The following CENPA variants were observed in gnomAD, a reference collection of about 807,000 sequenced individuals.
CENPA encodes histone H3-like centromeric protein A.
CENPA carries 7 observed loss-of-function variants against 17.2 expected under a neutral mutation model. The observed-to-expected ratio is 0.41, with a 90% confidence interval of 0.23 to 0.76. The LOEUF (loss-of-function observed/expected upper bound fraction) is 0.76, where lower values mean the gene tolerates loss of function less well. Ranked by LOEUF, CENPA falls within the 30% of genes least tolerant of loss-of-function variation. CENPA has a pLI of 0.34. For synonymous variants in CENPA, 82 were observed against 77.4 expected (o/e 1.06, Z -0.31); for missense variants, 149 against 193.1 (o/e 0.77, Z 1.35).
intron 1 of CENPA, among the ~76,000 whole-genome samples, chr2:26,788,749 T>C (rs1356915369): frequency 6.6e-6 from 1 of 152,182 alleles, no homozygotes; most frequent in Non-Finnish European, 1.5e-5. Context: ...GATCTCGGCT[T>C]ACCGCAACCT....
intron 1 of CENPA, among the ~76,000 whole-genome samples, chr2:26,787,744 C>G (rs1286816017): frequency 6.6e-6 from 1 of 152,090 alleles, no homozygotes; most frequent in Admixed American, 6.6e-5. Flanking sequence ...TAGGTTGTTT[C>G]TAGATGTTGC....
intron 1 of CENPA, among the ~76,000 whole-genome samples, chr2:26,790,581 C>T (rs996719124): frequency 2.0e-5 from 3 of 152,266 alleles, no homozygotes; most frequent in Non-Finnish European, 2.9e-5. Context: ...CCACCTTGGC[C>T]TCCCAAAGTG....
chr2:26,794,557 A>C lies in CENPA; in HGVS notation c.*793A>C, dbSNP rs1339405434. On this transcript the variant is annotated 3_prime_UTR_variant, in exon 5 of 5. Coordinates refer to ENST00000335756, the MANE Select transcript of CENPA (RefSeq NM_001809.4). ...GGGTATTTTTGTAGTTTCTTTGTAG[A>C]GAGATAATAAAAATCAAAATATTTA... 1 of 152,232 alleles carries C rather than the reference A, an allele frequency of 6.6e-6. No individual in the cohort carries two copies. The highest frequency in any genetic ancestry group is 1.5e-5 in the Non-Finnish European group (1 of 68,050). 9.4% of individuals were successfully genotyped at this position (152,232 alleles called of 1,614,324 possible). A position where few individuals can be genotyped will look rare whatever the true frequency, so the allele number is the denominator to read the frequency against.
chr2:26,786,143 G>A lies in CENPA; in HGVS notation c.-54G>A, dbSNP rs766923081. ...AAGCCAGCCTTTCGCTCCCGGACCC[G>A]GCAGCCCGAGCAGGAGCCGTGGGAC... On this transcript the variant is annotated 5_prime_UTR_variant, in exon 1 of 5. Transcript: ENST00000335756. 2.4e-5 allele frequency: 33 copies of A among 1,367,026 alleles called. No homozygotes were observed. The highest frequency in any genetic ancestry group is 6.1e-5 in the African/African-American group (4 of 65,246). 84.7% of individuals were successfully genotyped at this position (1,367,026 alleles called of 1,614,324 possible).
At chr2:26,786,761 G>A (rs1461855745) in intron 1 of CENPA, among the ~76,000 whole-genome samples, 1 of 152,202 alleles carries the variant, frequency 6.6e-6, no homozygotes, top group Non-Finnish European at 1.5e-5. Flanking sequence ...GACTGCTTTC[G>A]GTGACGATTT....
At chr2:26,790,497 T>G (rs531559212) in intron 1 of CENPA, among the ~76,000 whole-genome samples, 6 of 152,258 alleles carry the variant, frequency 3.9e-5, no homozygotes, top group Non-Finnish European at 7.4e-5. Flanking sequence ...CGGCTAATTT[T>G]TGTATTTTTA....
intron 1 of CENPA, among the ~76,000 whole-genome samples, chr2:26,789,036 T>C (rs1020742101): frequency 1.7e-4 from 26 of 152,182 alleles, no homozygotes; most frequent in African/African-American, 5.8e-4. Context: ...CTCACTTCCC[T>C]ATACCTCCCA....
At chr2:26,787,690 A>G (rs1207362962) in intron 1 of CENPA, among the ~76,000 whole-genome samples, 1 of 151,904 alleles carries the variant, frequency 6.6e-6, no homozygotes, top group Non-Finnish European at 1.5e-5. Context: ...AATTTTTTGT[A>G]TTTTTAGTAG....
rs1266615456 is a variant in CENPA at position 26,788,617 on chromosome 2, C to T, written c.100+2321C>T. On this transcript the variant is annotated intron_variant, in intron 1 of 4. Transcript: ENST00000335756. ...CTACCTGTGCTTAGATAAATCCAGA[C>T]ACTTCACACTGGCATCGGCACATAT... Among the ~76,000 whole-genome samples, 5 of 152,280 alleles carry T rather than the reference C, an allele frequency of 3.3e-5. No homozygotes were observed. The East Asian group carries it at 9.7e-4, about 29-fold the overall frequency.
At chr2:26,788,999 G>A (rs1447938548) in intron 1 of CENPA, among the ~76,000 whole-genome samples, 1 of 152,176 alleles carries the variant, frequency 6.6e-6, no homozygotes, top group Non-Finnish European at 1.5e-5. Context: ...AAGAGAAAGG[G>A]CAGGAGTGTT....
At chr2:26,789,009 T>C (rs986990973) in intron 1 of CENPA, among the ~76,000 whole-genome samples, 1 of 152,146 alleles carries the variant, frequency 6.6e-6, no homozygotes, top group African/African-American at 2.4e-5. Context: ...GCAGGAGTGT[T>C]TCCTTGACCC....
chr2:26,791,916 C>T (rs1194492299), intron 1 of CENPA, among the ~76,000 whole-genome samples: 1 of 152,102 alleles, frequency 6.6e-6, no homozygotes, highest in Admixed American at 6.5e-5. Flanking sequence ...CTGAAGATAG[C>T]AGCAAAATTA....
rs975038469 is a variant in CENPA at position 26,794,392 on chromosome 2, G to A, written c.*628G>A. ...GAATAGAAAACCTGTAAGCTTTGAT[G>A]TTCTGGTTACTTCTAGTAAATTCCT... On this transcript the variant is annotated 3_prime_UTR_variant, in exon 5 of 5. Transcript: ENST00000335756. 6.6e-6 allele frequency: 1 copy of A among 152,182 alleles called. No homozygotes were observed. 9.4% of individuals were successfully genotyped at this position (152,182 alleles called of 1,614,324 possible). A position where few individuals can be genotyped will look rare whatever the true frequency, so the allele number is the denominator to read the frequency against.
intron 3 of CENPA, 70 bp from the exon 4 acceptor site, chr2:26,793,074 TA>T: frequency 6.3e-7 from 1 of 1,583,356 alleles, no homozygotes; most frequent in Non-Finnish European, 8.6e-7. Flanking sequence ...AGATTAAGTT[TA>T]GCAGGTTTCC....
chr2:26,788,742 C>T (rs1230289247), intron 1 of CENPA, among the ~76,000 whole-genome samples: 1 of 152,222 alleles, frequency 6.6e-6, no homozygotes, highest in Non-Finnish European at 1.5e-5. Flanking sequence ...ACGGCGTGAT[C>T]TCGGCTTACC....
chr2:26,793,049 C>T lies in CENPA; in HGVS notation c.289-96C>T, dbSNP rs1664649233. On this transcript the variant is annotated intron_variant, in intron 3 of 4. Transcript: ENST00000335756. ...CATTCTGTGAATAGTTTCCTACAAT[C>T]CTTTGAGCCCTCAGAGATTAAGTTT... 6.6e-6 allele frequency: 10 copies of T among 1,507,914 alleles called. No individual in the cohort carries two copies. The South Asian group carries it at 7.2e-5, about 11-fold the overall frequency. 93.4% of individuals were successfully genotyped at this position (1,507,914 alleles called of 1,614,324 possible).
chr2:26,793,542 T>G (rs1664659751), intron 4 of CENPA, among the ~76,000 whole-genome samples: 1 of 152,172 alleles, frequency 6.6e-6, no homozygotes, highest in African/African-American at 2.4e-5. Context: ...CTAATTTCTT[T>G]TGGTTGTTAT....
At chr2:26,786,927 T>C (rs1664518125) in intron 1 of CENPA, among the ~76,000 whole-genome samples, 1 of 152,164 alleles carries the variant, frequency 6.6e-6, no homozygotes, top group Non-Finnish European at 1.5e-5. Context: ...GTCTTAATTG[T>C]CTATGGTGGG....
intron 1 of CENPA, 90 bp downstream of exon 1, chr2:26,786,386 C>A: frequency 7.9e-7 from 1 of 1,263,466 alleles, no homozygotes; most frequent in Non-Finnish European, 1.0e-6. Context: ...CGTGGCACTT[C>A]CCTGTTGGGG....
Sources: gnomAD v4.1 joint callset for allele counts (sites outside exome capture counted in the v4.1 genomes callset) on GRCh38, gnomAD v4.1.1 for gene constraint, MANE v1.5 for transcripts, NCBI Gene and HGNC (gene_info 2026-07-23, HGNC 2026-07-21) for gene names.